Variants in DYM observed in about 807,000 individuals in gnomAD.
The protein encoded by DYM is dymeclin.
Under a neutral mutation model 93.1 loss-of-function variants are expected in DYM, and 78 were observed. The observed-to-expected ratio is 0.84, with a 90% CI of 0.70 to 1.01. DYM has a LOEUF of 1.01. Among genes scored for constraint, DYM ranks in the 50% least tolerant of loss-of-function variants. The pLI is 0.00. For synonymous variants in DYM, 321 were observed against 319.7 expected (o/e 1.00, Z -0.04); for missense variants, 789 against 845.0 (o/e 0.93, Z 0.82).
At chr18:49,174,438 A>C (rs922259386) in intron 14 of DYM, among the ~76,000 whole-genome samples, 2 of 152,198 alleles carry the variant, frequency 1.3e-5, no homozygotes, top group African/African-American at 2.4e-5. Context: ...GCTAGAATTC[A>C]CAGCCTGGTA....
intron 2 of DYM, among the ~76,000 whole-genome samples, chr18:49,407,684 C>A (rs2071668292): frequency 6.6e-6 from 1 of 152,188 alleles, no homozygotes; most frequent in Non-Finnish European, 1.5e-5. Context: ...ACACTTCTCA[C>A]CAGGCCCTAC....
At chr18:49,211,543 C>G (rs1449396846) in intron 13 of DYM, among the ~76,000 whole-genome samples, 1 of 152,144 alleles carries the variant, frequency 6.6e-6, no homozygotes, top group African/African-American at 2.4e-5. Context: ...GAACTCAAAA[C>G]TAGTAAGTTA....
chr18:49,346,700 TACA>T (rs1383480472), intron 6 of DYM, among the ~76,000 whole-genome samples: 3 of 152,202 alleles, frequency 2.0e-5, no homozygotes, highest in Non-Finnish European at 4.4e-5. Context: ...CTATATAGTG[TACA>T]ACAACTGCCA....
rs7237718 is a variant in DYM at position 49,209,775 on chromosome 18, A to C, written c.1461-60T>G. On this transcript the variant is annotated intron_variant, in intron 13 of 17. Transcript: ENST00000675505. The stretch of plus-strand genomic sequence containing the variant: ...GAGAGGAGTTTTCCTTTGAAAAAAT[A>C]AATCATTTTTTATGTCCTCAAAGCT... 5.5e-3 allele frequency: 6,132 copies of C among 1,111,956 alleles called. 259 individuals carry two copies. In the African/African-American group the frequency reaches 0.09, roughly 16 times the overall value. The allele number at this position is 1,111,956 out of a possible 1,614,324, so 68.9% of individuals were successfully genotyped here.
intron 8 of DYM, among the ~76,000 whole-genome samples, chr18:49,299,859 C>A (rs983370654): frequency 2.0e-5 from 3 of 151,468 alleles, no homozygotes; most frequent in South Asian, 2.1e-4. Context: ...CTGGCTAACA[C>A]GGTGAAACCC....
At chr18:49,441,507 G>C (rs1407742957) in intron 1 of DYM, among the ~76,000 whole-genome samples, 3 of 148,242 alleles carry the variant, frequency 2.0e-5, no homozygotes, top group African/African-American at 7.5e-5. Flanking sequence ...CAGGTGCCAT[G>C]AGTCCACAAG....
chr18:49,207,259 T>A (rs1040139243), intron 14 of DYM, among the ~76,000 whole-genome samples: 4 of 152,194 alleles, frequency 2.6e-5, no homozygotes, highest in African/African-American at 9.7e-5. Context: ...AGGCATGATA[T>A]GCTATACGAT....
At chr18:49,415,148 C>T (rs1375250857) in intron 2 of DYM, among the ~76,000 whole-genome samples, 1 of 151,670 alleles carries the variant, frequency 6.6e-6, no homozygotes, top group Non-Finnish European at 1.5e-5. Context: ...CATGGCAAAA[C>T]CCTGTCTCTA....
intron 17 of DYM, among the ~76,000 whole-genome samples, chr18:49,070,510 T>C (rs1374625734): frequency 6.6e-6 from 1 of 152,210 alleles, no homozygotes; most frequent in Non-Finnish European, 1.5e-5. Context: ...AGGAAACCAC[T>C]GCAGCTCAAA....
chr18:49,209,722 G>C lies in DYM; in HGVS notation c.1461-7C>G, dbSNP rs2092691843. 7.9e-7 allele frequency: 1 copy of C among 1,259,258 alleles called. No homozygotes were observed. The highest frequency in any genetic ancestry group is 1.5e-5 in the African/African-American group (1 of 65,068). The allele number at this position is 1,259,258 out of a possible 1,614,324, so 78.0% of individuals were successfully genotyped here. A position where few individuals can be genotyped will look rare whatever the true frequency, so the allele number is the denominator to read the frequency against. On this transcript the variant is annotated splice_region_variant and splice_polypyrimidine_tract_variant and intron_variant, in intron 13 of 17. Transcript: ENST00000675505. ...CAAGTGGCGGCAGGTATAACTGAAA[G>C]ACAAAGGTAAAAGGAGAGAAACAGA...
chr18:49,370,947 G>A (rs948164749), intron 5 of DYM, among the ~76,000 whole-genome samples: 2 of 152,214 alleles, frequency 1.3e-5, no homozygotes, highest in Non-Finnish European at 2.9e-5. Flanking sequence ...AACAACCTAC[G>A]AGCAAATAAA....
In DYM at chr18:49,096,536, G is replaced by A. The variant is rs527331927; in HGVS notation, c.2025+866C>T. The stretch of plus-strand genomic sequence containing the variant: ...ATGACCTCCTGTGTTGGTAATTTAG[G>A]TGAAAGCACTCTAAAAAATTAGAGC... On this transcript the variant is annotated intron_variant, in intron 17 of 17. Transcript: ENST00000675505. Among the ~76,000 whole-genome samples the A allele has an allele frequency of 2.0e-5, 3 of 152,228 alleles. No homozygotes were observed. The East Asian group carries it at 5.8e-4, about 29-fold the overall frequency.
intron 9 of DYM, 103 bp downstream of exon 9, chr18:49,286,331 C>T (rs557004545): frequency 2.2e-6 from 3 of 1,338,446 alleles, no homozygotes; most frequent in South Asian, 2.4e-5. Flanking sequence ...AATATGAAAA[C>T]ATACAATGGA....
At chr18:49,155,082 C>T (rs1395381156) in intron 15 of DYM, among the ~76,000 whole-genome samples, 1 of 152,060 alleles carries the variant, frequency 6.6e-6, no homozygotes, top group South Asian at 2.1e-4. Flanking sequence ...TTTAATAAGT[C>T]CCTTATTGAG....
chr18:49,323,178 G>A (rs1212341060), intron 8 of DYM, among the ~76,000 whole-genome samples: 1 of 151,966 alleles, frequency 6.6e-6, no homozygotes, highest in East Asian at 1.9e-4. Flanking sequence ...TTTGTTTTTT[G>A]TTTTTTAAAA....
At chr18:49,215,714 T>G (rs963305277) in intron 13 of DYM, among the ~76,000 whole-genome samples, 1 of 152,132 alleles carries the variant, frequency 6.6e-6, no homozygotes, top group Non-Finnish European at 1.5e-5. Flanking sequence ...AACTGAAAAC[T>G]AAAACAAATT....
intron 5 of DYM, among the ~76,000 whole-genome samples, chr18:49,370,324 G>A (rs1400951811): frequency 6.7e-6 from 1 of 149,544 alleles, no homozygotes; most frequent in Non-Finnish European, 1.5e-5. Context: ...CTCCCTCTCT[G>A]GGCTCTTCAT....
intron 16 of DYM, among the ~76,000 whole-genome samples, chr18:49,112,994 C>CT (rs143821351): frequency 4.1e-4 from 62 of 149,982 alleles, no homozygotes; most frequent in Admixed American, 5.3e-4. Flanking sequence ...CTTTCTTACT[C>CT]TTTTTTTTTT....
intron 16 of DYM, 89 bp downstream of exon 16, chr18:49,118,655 A>G (rs1408612909): frequency 2.5e-6 from 3 of 1,208,266 alleles, no homozygotes; most frequent in Middle Eastern, 2.3e-4. Context: ...AGAAACTCTT[A>G]CTATTATAGT....
Sources: gnomAD v4.1 joint callset for allele counts (sites outside exome capture counted in the v4.1 genomes callset) on GRCh38, gnomAD v4.1.1 for gene constraint, MANE v1.5 for transcripts, NCBI Gene and HGNC (gene_info 2026-07-23, HGNC 2026-07-21) for gene names.